The following SGCG variants were observed in gnomAD, a reference collection of about 807,000 sequenced individuals.
SGCG encodes the protein gamma-sarcoglycan.
In SGCG, 26 loss-of-function variants were observed where a neutral mutation model predicts 29.3. That is an observed-to-expected ratio of 0.89 (90% confidence interval 0.65 to 1.23). The LOEUF (loss-of-function observed/expected upper bound fraction) is 1.23. Among genes scored for constraint, SGCG ranks in the 50% most tolerant of loss-of-function variants. The pLI is 0.00. For synonymous variants in SGCG, 145 were observed against 129.7 expected, an observed-to-expected ratio of 1.12 and a Z score of -0.80; for missense variants, 353 against 356.0, an observed-to-expected ratio of 0.99 and a Z score of 0.07.
intron 3 of SGCG, 126 bp downstream of exon 3, chr13:23,234,838 T>C (rs1422875544): frequency 2.9e-6 from 2 of 689,684 alleles, no homozygotes; most frequent in Non-Finnish European, 5.2e-6. Flanking sequence ...CATGATATGC[T>C]CTTTATAAAA....
intron 1 of SGCG, among the ~76,000 whole-genome samples, chr13:23,198,345 T>C (rs1319468532): frequency 2.0e-5 from 3 of 152,210 alleles, no homozygotes; most frequent in African/African-American, 7.2e-5. Flanking sequence ...CTATATTATA[T>C]GCTATGACAA....
intron 4 of SGCG, 59 bp downstream of exon 4, chr13:23,250,776 G>T: frequency 1.1e-6 from 1 of 947,162 alleles, no homozygotes; most frequent in Non-Finnish European, 1.7e-6. Context: ...AGTGCTAAAT[G>T]AATGCATTGT....
the SGCG span, among the ~76,000 whole-genome samples, chr13:23,167,802 G>T: frequency 6.6e-6 from 1 of 151,392 alleles, no homozygotes; most frequent in Non-Finnish European, 1.5e-5. Context: ...TACCATCTCA[G>T]CTCACTGCAA....
chr13:23,320,597 CTTTTT>C (rs67528585), intron 6 of SGCG, 35 bp from the exon 7 acceptor site: 21 of 1,321,336 alleles, frequency 1.6e-5, no homozygotes, highest in East Asian at 2.7e-5. Context: ...ATTTTTAATA[CTTTTT>C]TTTTTTTTTT....
At chr13:23,228,384 CAG>C (rs1397678888) in intron 2 of SGCG, among the ~76,000 whole-genome samples, 1 of 152,060 alleles carries the variant, frequency 6.6e-6, no homozygotes, top group Non-Finnish European at 1.5e-5. Context: ...ATTTAAATAA[CAG>C]AATCTTGCAA....
intron 3 of SGCG, among the ~76,000 whole-genome samples, chr13:23,237,448 A>C (rs1233365712): frequency 6.6e-6 from 1 of 152,278 alleles, no homozygotes; most frequent in Admixed American, 6.5e-5. Context: ...AGGGCACCTC[A>C]CTGGGACTCC....
Position 23,235,161 on chromosome 13 carries a change from G to A in SGCG, c.297+449G>A, listed in dbSNP as rs190010229. 2.3e-3 allele frequency among the ~76,000 whole-genome samples: 346 copies of A among 152,230 alleles called. 1 individual carries two copies. Among genetic ancestry groups the A allele is most frequent in the Non-Finnish European group, 3.3e-3 (223 of 68,014 alleles). On this transcript the variant is annotated intron_variant, in intron 3 of 7. Transcript: ENST00000218867. The stretch of plus-strand genomic sequence containing the variant: ...AGGTGGGCGGATCACCTGAGGTGGG[G>A]CCAGCTTGGCCAACATGGATAAACC...
rs1566050041 is a variant in SGCG, at chr13:23,324,558, C to CGGTGAGCT, written c.*19_*26dup. ...TGCCTCTGAGCTGCCTGCGTCCTCT[C>CGGTGAGCT]GGTGAGCTGTGCAGTGCCGGCCCCA... On this transcript the variant is annotated 3_prime_UTR_variant, in exon 8 of 8. Coordinates refer to ENST00000218867, the MANE Select transcript of SGCG (RefSeq NM_000231.3). 1 of 1,605,466 alleles carries CGGTGAGCT rather than the reference C, an allele frequency of 6.2e-7. No individual in the cohort carries two copies. Among genetic ancestry groups the CGGTGAGCT allele is most frequent in the Non-Finnish European group, 8.5e-7 (1 of 1,178,630 alleles).
At chr13:23,278,078 C>T (rs562050386) in intron 4 of SGCG, among the ~76,000 whole-genome samples, 6 of 152,222 alleles carry the variant, frequency 3.9e-5, no homozygotes, top group Admixed American at 2.6e-4. Flanking sequence ...AGGTGATTGG[C>T]TCGCCTTGGC....
chr13:23,214,164 G>T (rs1878338643), intron 2 of SGCG, among the ~76,000 whole-genome samples: 1 of 152,124 alleles, frequency 6.6e-6, no homozygotes, highest in Non-Finnish European at 1.5e-5. Flanking sequence ...ACAATAAAAT[G>T]CCTGACCCCA....
the SGCG span, among the ~76,000 whole-genome samples, chr13:23,174,380 A>G: frequency 6.6e-6 from 1 of 152,176 alleles, no homozygotes; most frequent in Admixed American, 6.5e-5. Context: ...AATACAAGAA[A>G]CGAAAAGGAA....
chr13:23,160,774 C>T, the SGCG span, among the ~76,000 whole-genome samples: 5 of 152,282 alleles, frequency 3.3e-5, no homozygotes, highest in African/African-American at 1.2e-4. Context: ...TTCCAGCCTT[C>T]CTCCTAGGAC....
At chr13:23,291,125 A>G (rs755527949) in intron 5 of SGCG, among the ~76,000 whole-genome samples, 1 of 152,226 alleles carries the variant, frequency 6.6e-6, no homozygotes, top group Non-Finnish European at 1.5e-5. Flanking sequence ...ACCATTTACC[A>G]TGTCTAATCT....
At chr13:23,170,568 C>T in the SGCG span, 1 of 152,434 alleles carries the variant, frequency 6.6e-6, no homozygotes, top group Non-Finnish European at 1.5e-5. Flanking sequence ...TGCTGCTTCT[C>T]CTCTTCCTGT....
At chr13:23,198,795 G>A (rs1877619198) in intron 1 of SGCG, among the ~76,000 whole-genome samples, 2 of 149,876 alleles carry the variant, frequency 1.3e-5, no homozygotes, top group African/African-American at 4.9e-5. Context: ...GTAGTGAGTC[G>A]TGATTGTGCC....
At chr13:23,322,617 G>T (rs1180624111) in intron 7 of SGCG, among the ~76,000 whole-genome samples, 1 of 152,128 alleles carries the variant, frequency 6.6e-6, no homozygotes, top group African/African-American at 2.4e-5. Context: ...TTGCAGTCAG[G>T]TGCATCTCCA....
chr13:23,310,078 CTTTTTTTTTT>C (rs144258130), intron 6 of SGCG, among the ~76,000 whole-genome samples: 4 of 60,780 alleles, frequency 6.6e-5, no homozygotes, highest in African/African-American at 2.0e-4. Context: ...TTGTTTTTCT[CTTTTTTTTTT>C]TTTTTTTTTT....
At chr13:23,262,611 A>T (rs530502015) in intron 4 of SGCG, among the ~76,000 whole-genome samples, 1 of 152,172 alleles carries the variant, frequency 6.6e-6, no homozygotes, top group East Asian at 1.9e-4. Context: ...TGAGGCAGAA[A>T]GTCAACAAAG....
the SGCG span, among the ~76,000 whole-genome samples, chr13:23,166,502 A>C: frequency 4.6e-5 from 7 of 152,234 alleles, no homozygotes; most frequent in Non-Finnish European, 1.0e-4. Context: ...CCTCTGTTCC[A>C]GTAAGTTGTG....
Sources: gnomAD v4.1 joint callset for allele counts (sites outside exome capture counted in the v4.1 genomes callset) on GRCh38, gnomAD v4.1.1 for gene constraint, MANE v1.5 for transcripts, NCBI Gene and HGNC (gene_info 2026-07-23, HGNC 2026-07-21) for gene names.